Variants in ME2 observed in about 807,000 individuals in gnomAD.
ME2 encodes the protein malic enzyme 2.
In ME2, 60 loss-of-function variants were observed where a neutral mutation model predicts 73.7. That is an observed-to-expected ratio of 0.81 (90% CI 0.66 to 1.01). ME2 has a LOEUF of 1.01. ME2 is among the 50% of genes least tolerant of loss of function. The pLI, the probability that ME2 is intolerant of heterozygous loss-of-function variation, is 0.00. For missense variants in ME2, 594 were observed against 705.5 expected, an observed-to-expected ratio of 0.84 and a Z score of 1.79; for synonymous variants, 199 against 236.9, an observed-to-expected ratio of 0.84 and a Z score of 1.47.
intron 4 of ME2, among the ~76,000 whole-genome samples, chr18:50,914,752 G>A (rs1917244600): frequency 6.6e-6 from 1 of 152,156 alleles, no homozygotes; most frequent in African/African-American, 2.4e-5. Flanking sequence ...AGATACCAAT[G>A]AGAAAGTTAA....
At chr18:50,902,931 CT>C (rs1339359692) in intron 2 of ME2, among the ~76,000 whole-genome samples, 1 of 152,144 alleles carries the variant, frequency 6.6e-6, no homozygotes, top group African/African-American at 2.4e-5. Flanking sequence ...TACTGGCCCC[CT>C]AGCATGTTTA....
In ME2 at chr18:50,940,277, T is replaced by C; in HGVS notation, c.1489-11T>C. 1 of 1,589,498 alleles carries C rather than the reference T, an allele frequency of 6.3e-7. No individual in the cohort carries two copies. The highest frequency in any genetic ancestry group is 1.2e-5 in the South Asian group (1 of 86,558). ...AAACAAACAAAAGCAAAATGCTGTT[T>C]TTCTCTTCAGGCCCTGACAAGCCAA... On this transcript the variant is annotated splice_polypyrimidine_tract_variant and intron_variant, in intron 14 of 15. Transcript: ENST00000321341.
chr18:50,897,262 A>G (rs1599092324), intron 2 of ME2, among the ~76,000 whole-genome samples: 3 of 152,298 alleles, frequency 2.0e-5, no homozygotes, highest in East Asian at 3.9e-4. Context: ...TTACAGTGCT[A>G]TGGGCGCATT....
rs1194696084 is a variant in ME2, at chr18:50,952,966, C to G, written c.*5782C>G. On this transcript the variant is annotated 3_prime_UTR_variant, in exon 16 of 16. Coordinates refer to ENST00000321341, the MANE Select transcript of ME2 (RefSeq NM_002396.5). ...AGAGGTTAAATGACTTGTCAAAGGT[C>G]TTATGATGTGTGGCAGAGCCTGGGT... 6.6e-6 allele frequency: 1 copy of G among 152,044 alleles called. No individual in the cohort carries two copies. The highest frequency in any genetic ancestry group is 1.5e-5 in the Non-Finnish European group (1 of 68,018). 9.4% of individuals were successfully genotyped at this position (152,044 alleles called of 1,614,324 possible).
At chr18:50,921,609 C>G (rs994720441) in intron 10 of ME2, among the ~76,000 whole-genome samples, 1 of 152,114 alleles carries the variant, frequency 6.6e-6, no homozygotes, top group African/African-American at 2.4e-5. Context: ...TGAAGTCTCT[C>G]TCTGTCACCC....
At chr18:50,920,063 A>G (rs1037901074) in intron 7 of ME2, among the ~76,000 whole-genome samples, 1 of 152,168 alleles carries the variant, frequency 6.6e-6, no homozygotes, top group African/African-American at 2.4e-5. Flanking sequence ...GTGAACTCAA[A>G]TAGCAATTAT....
At chr18:50,926,711 T>G (rs1917561569) in intron 12 of ME2, among the ~76,000 whole-genome samples, 1 of 152,250 alleles carries the variant, frequency 6.6e-6, no homozygotes, top group Non-Finnish European at 1.5e-5. Flanking sequence ...TTTCTGTGTT[T>G]CAATCTGGTG....
At chr18:50,913,117 A>G (rs929693509) in intron 4 of ME2, 167 bp downstream of exon 4, 1 of 495,206 alleles carries the variant, frequency 2.0e-6, no homozygotes, top group Non-Finnish European at 3.4e-6. Flanking sequence ...CAACATATTC[A>G]TAACTTTTAT....
intron 2 of ME2, among the ~76,000 whole-genome samples, chr18:50,899,385 G>T (rs1344125470): frequency 1.3e-5 from 2 of 152,208 alleles, no homozygotes; most frequent in African/African-American, 2.4e-5. Context: ...GGCTGAGGTG[G>T]ATTGCTTGGG....
chr18:50,939,177 C>T (rs1158842386), intron 13 of ME2: 2 of 138,676 alleles, frequency 1.4e-5, no homozygotes, highest in African/African-American at 5.3e-5. Flanking sequence ...AAAAAAATCA[C>T]AAGAAACATA....
chr18:50,881,500 A>G (rs1916324186), intron 1 of ME2, among the ~76,000 whole-genome samples: 2 of 152,236 alleles, frequency 1.3e-5, no homozygotes, highest in Non-Finnish European at 2.9e-5. Context: ...TTTTGATTTT[A>G]TGGTGGCATA....
chr18:50,944,779 C>G (rs867507077), intron 15 of ME2, among the ~76,000 whole-genome samples: 11 of 152,144 alleles, frequency 7.2e-5, no homozygotes, highest in African/African-American at 2.4e-4. Context: ...CTCCCATGCT[C>G]TGCCACAAGT....
chr18:50,921,016 T>C (rs1917413656), intron 9 of ME2, 58 bp from the exon 10 acceptor site: 4 of 833,574 alleles, frequency 4.8e-6, no homozygotes, highest in Non-Finnish European at 7.4e-6. Context: ...ATATATAAAG[T>C]AATTCAAGCA....
Position 50,880,445 on chromosome 18 carries a change from A to G in ME2, c.-13+1137A>G, listed in dbSNP as rs957542963. Among the ~76,000 whole-genome samples, 8 of 152,308 alleles carry G rather than the reference A, an allele frequency of 5.3e-5. No individual in the cohort carries two copies. In the East Asian group the frequency reaches 5.8e-4, roughly 11 times the overall value. ...GTTGTACCCATAATTTTGATTTTCA[A>G]TTTACAAATACTCTGTAAATTAGAT... On this transcript the variant is annotated intron_variant, in intron 1 of 15. Transcript: ENST00000321341.
intron 1 of ME2, among the ~76,000 whole-genome samples, chr18:50,886,900 G>A (rs1407267083): frequency 6.6e-6 from 1 of 152,160 alleles, no homozygotes; most frequent in Non-Finnish European, 1.5e-5. Context: ...TACTCAGGAG[G>A]CTGAGGCAGG....
At chr18:50,946,674 A>G (rs1340915302) in intron 15 of ME2, among the ~76,000 whole-genome samples, 1 of 152,152 alleles carries the variant, frequency 6.6e-6, no homozygotes, top group Non-Finnish European at 1.5e-5. Flanking sequence ...ACCTTGGGTT[A>G]GGTTTTCTTC....
chr18:50,885,331 G>A (rs905670498), intron 1 of ME2, among the ~76,000 whole-genome samples: 8 of 152,076 alleles, frequency 5.3e-5, no homozygotes, highest in African/African-American at 1.9e-4. Context: ...GACCAGCCTG[G>A]GCAACATAGC....
At chr18:50,900,660 CT>C (rs1248809499) in intron 2 of ME2, among the ~76,000 whole-genome samples, 1 of 152,130 alleles carries the variant, frequency 6.6e-6, no homozygotes, top group East Asian at 1.9e-4. Context: ...CAAATCTCAT[CT>C]TGAATTTTAA....
At chr18:50,918,064 C>T (rs776491223) in intron 6 of ME2, 46 bp from the exon 7 acceptor site, 1 of 1,277,784 alleles carries the variant, frequency 7.8e-7, no homozygotes, top group South Asian at 1.5e-5. Context: ...TGTGTTTAAA[C>T]TGATTATATA....
Sources: allele counts gnomAD v4.1 joint callset (sites outside exome capture counted in the v4.1 genomes callset), GRCh38; gene constraint gnomAD v4.1.1; transcripts MANE v1.5; gene names NCBI Gene and HGNC (gene_info 2026-07-23, HGNC 2026-07-21).